The following APBA2 variants were observed in gnomAD, a reference collection of about 807,000 sequenced individuals.
The protein encoded by APBA2 is amyloid-beta A4 precursor protein-binding family A member 2.
Under a neutral mutation model 75.0 loss-of-function variants are expected in APBA2, and 30 were observed. The observed-to-expected ratio is 0.40, with a 90% confidence interval of 0.30 to 0.54. APBA2 has a LOEUF of 0.54. Ranked by LOEUF, APBA2 falls within the 20% of genes least tolerant of loss-of-function variation. The probability of loss-of-function intolerance (pLI) is 0.49; values close to 1 mark genes in which losing one functional copy is unlikely to be tolerated. For missense variants in APBA2, 801 were observed against 1,016.1 expected (o/e 0.79, Z 2.88); for synonymous variants, 444 against 409.6 (o/e 1.08, Z -1.01).
chr15:28,946,370 G>A (rs8029144), intron 2 of APBA2, among the ~76,000 whole-genome samples: 44,683 of 151,956 alleles, frequency 0.29, 10,692 homozygotes, highest in African/African-American at 0.64. Flanking sequence ...AGGAGAAGGT[G>A]CTGTGACGAT....
At chr15:29,005,941 A>C (rs1398078000) in intron 3 of APBA2, among the ~76,000 whole-genome samples, 2 of 152,206 alleles carry the variant, frequency 1.3e-5, no homozygotes, top group Non-Finnish European at 2.9e-5. Flanking sequence ...CAACATAATA[A>C]AGACCATACA....
chr15:29,096,583 C>T lies in APBA2; in HGVS notation c.1252-1907C>T, dbSNP rs145302274. On this transcript the variant is annotated intron_variant, in intron 8 of 14. Coordinates refer to ENST00000683413, the MANE Select transcript of APBA2 (RefSeq NM_001353788.2). ...TGCGGATTGTCAGCTGCACTGCTTT[C>T]AACTCCTTTCTCTTTCTAATGAGTT... is the stretch of plus-strand genomic sequence containing the variant. 6.6e-5 allele frequency among the ~76,000 whole-genome samples: 10 copies of T among 152,376 alleles called. No individual in the cohort carries two copies. In the East Asian group the frequency reaches 1.9e-3, roughly 29 times the overall value.
chr15:29,090,850 T>TAG (rs2043528855), intron 6 of APBA2, among the ~76,000 whole-genome samples: 14 of 152,008 alleles, frequency 9.2e-5, no homozygotes, highest in Admixed American at 8.5e-4. Flanking sequence ...CTGGGAGCCT[T>TAG]CCCAGCCCCA....
chr15:28,932,575 T>C (rs530765490), intron 2 of APBA2, among the ~76,000 whole-genome samples: 1 of 152,236 alleles, frequency 6.6e-6, no homozygotes, highest in African/African-American at 2.4e-5. Flanking sequence ...ACAGCCAGGG[T>C]TCCCTGACAG....
intron 3 of APBA2, among the ~76,000 whole-genome samples, chr15:29,041,580 A>C (rs1393337440): frequency 6.6e-6 from 1 of 152,060 alleles, no homozygotes; most frequent in African/African-American, 2.4e-5. Context: ...GAAAATATAC[A>C]AGATCCGTAT....
chr15:28,999,158 A>G (rs544506104), intron 3 of APBA2, among the ~76,000 whole-genome samples: 1 of 147,222 alleles, frequency 6.8e-6, no homozygotes, highest in East Asian at 2.0e-4. Flanking sequence ...AAAAAAAAGA[A>G]AAAAAAAAAG....
chr15:28,896,217 C>CAGATATCTAAT (rs1268402317), intron 1 of APBA2, among the ~76,000 whole-genome samples: 1 of 152,202 alleles, frequency 6.6e-6, no homozygotes, highest in Non-Finnish European at 1.5e-5. Context: ...TGGTTTTAAT[C>CAGATATCTAAT]AGATATCTAA....
At chr15:28,894,584 G>A (rs36174459) in intron 1 of APBA2, among the ~76,000 whole-genome samples, 5,548 of 152,260 alleles carry the variant, frequency 0.036, 300 homozygotes, top group African/African-American at 0.12. Context: ...GGGCACAGGG[G>A]GGACTATGTG....
At chr15:29,096,351 C>T (rs1421516828) in intron 8 of APBA2, among the ~76,000 whole-genome samples, 2 of 152,186 alleles carry the variant, frequency 1.3e-5, no homozygotes, top group Non-Finnish European at 2.9e-5. Context: ...TCAGGCTGCC[C>T]CTCTTCTCCC....
chr15:28,985,154 C>G (rs1342039788), intron 2 of APBA2, among the ~76,000 whole-genome samples: 1 of 152,124 alleles, frequency 6.6e-6, no homozygotes, highest in Non-Finnish European at 1.5e-5. Context: ...GAGCCAGGCT[C>G]TGACTGGCTG....
intron 3 of APBA2, among the ~76,000 whole-genome samples, chr15:29,027,521 T>G (rs2040278999): frequency 6.6e-6 from 1 of 152,170 alleles, no homozygotes; most frequent in Non-Finnish European, 1.5e-5. Flanking sequence ...TTTCTTGATT[T>G]GTCTTATGAT....
At chr15:28,946,696 A>G (rs994972435) in intron 2 of APBA2, among the ~76,000 whole-genome samples, 2 of 152,046 alleles carry the variant, frequency 1.3e-5, no homozygotes, top group Non-Finnish European at 2.9e-5. Context: ...TTCGTGCCTC[A>G]ACCACCCATG....
chr15:29,032,724 C>T (rs1489866065), intron 3 of APBA2, among the ~76,000 whole-genome samples: 1 of 152,144 alleles, frequency 6.6e-6, no homozygotes, highest in African/African-American at 2.4e-5. Context: ...TAGCACTGCC[C>T]AGCCCTGTTC....
rs368192743 is a variant in APBA2 at position 29,114,823 on chromosome 15, CGT to C, written c.2178+817_2178+818del. Among the ~76,000 whole-genome samples the C allele has an allele frequency of 2.8e-3, 406 of 143,384 alleles. 2 individuals carry two copies. Among genetic ancestry groups the C allele is most frequent in the African/African-American group, 9.8e-3 (373 of 37,972 alleles). The allele number at this position is 143,384 out of a possible 152,430, so 94.1% of individuals were successfully genotyped here. A position where few individuals can be genotyped will look rare whatever the true frequency, so the allele number is the denominator to read the frequency against. On this transcript the variant is annotated intron_variant, in intron 14 of 14. Coordinates refer to ENST00000683413, the MANE Select transcript of APBA2 (RefSeq NM_001353788.2). Reference sequence around the variant, plus strand: ...GTGTGGGTGAGTGTATGCGGATGTACGTGTGTGTGTGAGAGCATGGGGTGTGT... The same window carrying C: ...GTGTGGGTGAGTGTATGCGGATGTACGTGTGTGTGAGAGCATGGGGTGTGT...
At chr15:28,995,964 G>A (rs1032362578) in intron 3 of APBA2, among the ~76,000 whole-genome samples, 158 bp downstream of exon 3, 1 of 152,152 alleles carries the variant, frequency 6.6e-6, no homozygotes, top group African/African-American at 2.4e-5. Context: ...AGCTTGGGGA[G>A]TTTGAAGCTG....
intron 13 of APBA2, among the ~76,000 whole-genome samples, chr15:29,110,268 C>T (rs2044657705): frequency 6.6e-6 from 1 of 152,174 alleles, no homozygotes. Context: ...CTGCAGCCCT[C>T]ATGAGGAGCC....
chr15:28,906,830 C>T (rs1249092821), intron 1 of APBA2, among the ~76,000 whole-genome samples: 1 of 152,040 alleles, frequency 6.6e-6, no homozygotes, highest in Non-Finnish European at 1.5e-5. Context: ...CTCTTTTCCT[C>T]TTGACTTGTG....
chr15:29,043,528 T>G (rs1291660445), intron 3 of APBA2, among the ~76,000 whole-genome samples: 1 of 152,246 alleles, frequency 6.6e-6, no homozygotes, highest in Non-Finnish European at 1.5e-5. Flanking sequence ...TAGGTACCAT[T>G]GTCCCATCAC....
At chr15:28,915,091 A>ATACCCCATATATACCACACACCACAC (rs2033609040) in intron 1 of APBA2, among the ~76,000 whole-genome samples, 1 of 18,494 alleles carries the variant, frequency 5.4e-5, no homozygotes, top group Non-Finnish European at 1.2e-4. Context: ...ACACACCACA[A>ATACCCCATATATACCACACACCACAC]ACATACCATA....
Sources: gnomAD v4.1 joint callset for allele counts (sites outside exome capture counted in the v4.1 genomes callset) on GRCh38, gnomAD v4.1.1 for gene constraint, MANE v1.5 for transcripts, NCBI Gene and HGNC (gene_info 2026-07-23, HGNC 2026-07-21) for gene names.